Variants in COL26A1 observed in about 807,000 individuals in gnomAD.
The protein encoded by COL26A1 is collagen alpha-1(XXVI) chain.
A neutral mutation model predicts 59.3 loss-of-function variants in COL26A1; 41 were observed. The observed-to-expected ratio is 0.69, with a 90% CI of 0.54 to 0.90. COL26A1 has a LOEUF of 0.90. Among genes scored for constraint, COL26A1 ranks in the 40% least tolerant of loss-of-function variants. The pLI is 0.00. For synonymous variants in COL26A1, 266 were observed against 256.0 expected (o/e 1.04, Z -0.37); for missense variants, 612 against 602.3 (o/e 1.02, Z -0.17).
chr7:101,436,178 C>T (rs1584405766), intron 2 of COL26A1, among the ~76,000 whole-genome samples: 1 of 152,104 alleles, frequency 6.6e-6, no homozygotes, highest in Non-Finnish European at 1.5e-5. Flanking sequence ...GGCAGAAGAC[C>T]CTGCCCACTG....
At chr7:101,527,717 A>T (rs1258439859) in intron 3 of COL26A1, among the ~76,000 whole-genome samples, 1 of 151,738 alleles carries the variant, frequency 6.6e-6, no homozygotes, top group Non-Finnish European at 1.5e-5. Context: ...ACATACACCT[A>T]TTGGCAAAGG....
intron 1 of COL26A1, chr7:101,388,814 C>T (rs1005817808): frequency 3.3e-5 from 5 of 153,132 alleles, no homozygotes; most frequent in South Asian, 2.1e-4. Context: ...GTGATCCTCC[C>T]GCCTCGGCCT....
chr7:101,490,263 G>A (rs946803831), intron 3 of COL26A1, among the ~76,000 whole-genome samples: 6 of 151,902 alleles, frequency 3.9e-5, no homozygotes, highest in African/African-American at 1.4e-4. Flanking sequence ...TAGAGACAAA[G>A]TCTCAGTCTG....
intron 3 of COL26A1, among the ~76,000 whole-genome samples, chr7:101,532,596 G>A (rs890462583): frequency 3.3e-5 from 5 of 152,132 alleles, no homozygotes; most frequent in South Asian, 2.1e-4. Flanking sequence ...CCTCCAGGAC[G>A]TCCTCCTTGA....
intron 1 of COL26A1, among the ~76,000 whole-genome samples, chr7:101,376,608 C>T (rs548586727): frequency 2.0e-4 from 31 of 152,274 alleles, no homozygotes; most frequent in African/African-American, 7.2e-4. Context: ...CTTGCTGCTG[C>T]AGGGGAGCCG....
chr7:101,518,016 G>A (rs1206343556), intron 3 of COL26A1, among the ~76,000 whole-genome samples: 1 of 151,846 alleles, frequency 6.6e-6, no homozygotes, highest in Non-Finnish European at 1.5e-5. Context: ...GTCTTGCTAA[G>A]TTGCTTAGGC....
intron 3 of COL26A1, among the ~76,000 whole-genome samples, chr7:101,501,301 C>T (rs375428804): frequency 3.3e-5 from 5 of 151,668 alleles, no homozygotes; most frequent in Admixed American, 2.0e-4. Context: ...TTGGGGGCCA[C>T]GAGAGTCATT....
intron 3 of COL26A1, among the ~76,000 whole-genome samples, chr7:101,480,011 C>G (rs1794122977): frequency 6.6e-6 from 1 of 152,004 alleles, no homozygotes; most frequent in Non-Finnish European, 1.5e-5. Context: ...TTTTAAGAGT[C>G]AGGGTCTCAC....
intron 5 of COL26A1, among the ~76,000 whole-genome samples, chr7:101,542,242 C>T (rs1300244929): frequency 1.3e-5 from 2 of 152,156 alleles, no homozygotes; most frequent in African/African-American, 4.8e-5. Flanking sequence ...GCTGGGATTA[C>T]AGGTGTGAGC....
intron 10 of COL26A1, 95 bp downstream of exon 10, chr7:101,551,238 T>TGGGGGGGGGCCC: frequency 2.0e-6 from 1 of 491,354 alleles, no homozygotes; most frequent in Non-Finnish European, 4.0e-6. Flanking sequence ...GGTGGGGGGG[T>TGGGGGGGGGCCC]TCAGCCCTGG....
intron 3 of COL26A1, among the ~76,000 whole-genome samples, chr7:101,489,851 T>TC (rs1794405089): frequency 2.6e-5 from 1 of 39,102 alleles, no homozygotes. Flanking sequence ...TCTTTCTTTC[T>TC]TTCTTTCTTT....
At chr7:101,468,293 C>T (rs1793812787) in intron 3 of COL26A1, among the ~76,000 whole-genome samples, 2 of 150,316 alleles carry the variant, frequency 1.3e-5, no homozygotes, top group Admixed American at 1.3e-4. Flanking sequence ...CAGAGCAAGA[C>T]TCAGTCTCAA....
At position 101,447,919 on chromosome 7, in the gene COL26A1, C is replaced by T. The variant is rs557753466; in HGVS notation, c.385+132C>T. The T allele has an allele frequency of 1.4e-3, 898 of 658,972 alleles. 15 individuals carry two copies. The South Asian group carries it at 0.015, about 11-fold the overall frequency. 40.8% of individuals were successfully genotyped at this position (658,972 alleles called of 1,614,324 possible). A position where few individuals can be genotyped will look rare whatever the true frequency, so the allele number is the denominator to read the frequency against. Reference sequence around the variant, plus strand: ...TGAAATCCTTTCCTTTTCCCAATCGCCTCTGAAGCAAATGTTCTGTATCGG... The same window carrying T: ...TGAAATCCTTTCCTTTTCCCAATCGTCTCTGAAGCAAATGTTCTGTATCGG... On this transcript the variant is annotated intron_variant, in intron 3 of 12. Coordinates refer to ENST00000313669, the MANE Select transcript of COL26A1 (RefSeq NM_001278563.3).
chr7:101,545,391 G>A lies in COL26A1; in HGVS notation c.757G>A (p.Gly253Ser), dbSNP rs373938643. ...GCTTCCTGGAGAGATGGGGCGCCCCGGCCCCCCAGGACCACCCGGCCCAGC... is the reference window on the plus strand; with the variant it reads ...GCTTCCTGGAGAGATGGGGCGCCCCAGCCCCCCAGGACCACCCGGCCCAGC... ...RGLPGEMGRP[G>S]PPGPPGPAGN... The change falls in exon 7 of 13, where the codon GGC becomes AGC. Residue 253 changes from glycine to serine, a missense_variant. Coordinates refer to ENST00000313669, the MANE Select transcript of COL26A1 (RefSeq NM_001278563.3). 1.3e-5 allele frequency: 20 copies of A among 1,589,464 alleles called. No individual in the cohort carries two copies. The highest frequency in any genetic ancestry group is 2.7e-5 in the African/African-American group (2 of 72,878).
At chr7:101,469,556 C>G (rs1793845060) in intron 3 of COL26A1, among the ~76,000 whole-genome samples, 1 of 150,942 alleles carries the variant, frequency 6.6e-6, no homozygotes, top group African/African-American at 2.4e-5. Flanking sequence ...GTGGCACGAT[C>G]TTAGCTCACT....
intron 3 of COL26A1, among the ~76,000 whole-genome samples, chr7:101,498,476 G>T (rs562736846): frequency 1.3e-5 from 2 of 152,196 alleles, no homozygotes; most frequent in Admixed American, 6.5e-5. Context: ...AGTGTGGCAT[G>T]AGCACTGCGC....
At chr7:101,449,181 G>T (rs1280468988) in intron 3 of COL26A1, among the ~76,000 whole-genome samples, 1 of 152,210 alleles carries the variant, frequency 6.6e-6, no homozygotes, top group Non-Finnish European at 1.5e-5. Context: ...CCAAGGTGAA[G>T]GGGTGAGGGG....
intron 3 of COL26A1, among the ~76,000 whole-genome samples, chr7:101,461,044 C>G (rs1230728893): frequency 1.3e-5 from 2 of 152,104 alleles, no homozygotes; most frequent in South Asian, 2.1e-4. Flanking sequence ...TGCAGTGGAG[C>G]TATCATAGCT....
At chr7:101,370,267 T>C (rs1196063627) in intron 1 of COL26A1, among the ~76,000 whole-genome samples, 1 of 152,220 alleles carries the variant, frequency 6.6e-6, no homozygotes, top group Non-Finnish European at 1.5e-5. Context: ...CTAACCTTTT[T>C]GGGGCTTGGG....
Sources: allele counts gnomAD v4.1 joint callset (sites outside exome capture counted in the v4.1 genomes callset), GRCh38; gene constraint gnomAD v4.1.1; transcripts MANE v1.5; gene names NCBI Gene and HGNC (gene_info 2026-07-23, HGNC 2026-07-21).